The following CARS1 variants were observed in gnomAD, a reference collection of about 807,000 sequenced individuals.
CARS1 encodes the protein cysteine--tRNA ligase, cytoplasmic.
CARS1 carries 48 observed loss-of-function variants against 106.2 expected under a neutral mutation model. The observed-to-expected ratio is 0.45, with a 90% CI of 0.36 to 0.57. The LOEUF is 0.57. Ranked by LOEUF, CARS1 falls within the 20% of genes least tolerant of loss-of-function variation. CARS1 has a pLI of 0.00. For synonymous variants in CARS1, 409 were observed against 403.4 expected (o/e 1.01, Z -0.17); for missense variants, 968 against 1,057.2 (o/e 0.92, Z 1.17).
In CARS1 at chr11:3,045,529, G is replaced by A. The variant is rs1854992084; in HGVS notation, c.274+2224C>T. Among the ~76,000 whole-genome samples, 1 of 152,238 alleles carries A rather than the reference G, an allele frequency of 6.6e-6. No homozygotes were observed. On this transcript the variant is annotated intron_variant, in intron 2 of 22. Coordinates refer to ENST00000380525, the MANE Select transcript of CARS1 (RefSeq NM_001014437.3). The surrounding 1 kb of genome is among the most constrained non-coding windows in gnomAD (Gnocchi z 5.6). ...TCCGCCCGCCTTGGCCTCCCAAAGTGCTGGGATTACAGGAGTGAGCCACCG... is the reference window on the plus strand; with the variant it reads ...TCCGCCCGCCTTGGCCTCCCAAAGTACTGGGATTACAGGAGTGAGCCACCG...
At chr11:3,015,958 A>G (rs1448656608) in intron 16 of CARS1, 109 bp from the exon 17 acceptor site, 20 of 903,580 alleles carry the variant, frequency 2.2e-5, no homozygotes, top group Non-Finnish European at 3.4e-5. Flanking sequence ...CCCCAAGACC[A>G]GGAAAGAGAT....
rs565288744 is a variant in CARS1 at position 3,020,112 on chromosome 11, A to C, written c.1266+108T>G. ...CTGCACCAGCACCAGGCTCTGGCCC[A>C]GTGACAACATCCTTCACACACAGAG... is the stretch of plus-strand genomic sequence containing the variant. On this transcript the variant is annotated intron_variant, in intron 11 of 22. Transcript: ENST00000380525. The surrounding 1 kb of genome is among the most constrained non-coding windows in gnomAD (Gnocchi z 4.6). The C allele has an allele frequency of 1.4e-4, 103 of 740,630 alleles. No homozygotes were observed. In the African/African-American group the frequency reaches 1.6e-3, roughly 12 times the overall value. The allele number at this position is 740,630 out of a possible 1,614,324, so 45.9% of individuals were successfully genotyped here. A position where few individuals can be genotyped will look rare whatever the true frequency, so the allele number is the denominator to read the frequency against.
rs543956483 is a variant in CARS1 at position 3,004,170 on chromosome 11, G to T, written c.2217+1196C>A. On this transcript the variant is annotated intron_variant, in intron 20 of 22. Coordinates refer to ENST00000380525, the MANE Select transcript of CARS1 (RefSeq NM_001014437.3). This position sits in a 1 kb window ranked among gnomAD's most constrained non-coding sequence, Gnocchi z 5.2. The stretch of plus-strand genomic sequence containing the variant: ...GGGCCCTGATGAGGCAGTCACACCA[G>T]CCAACCTCACAGGGCAAGCCCAGCT... Among the ~76,000 whole-genome samples the T allele has an allele frequency of 2.0e-5, 3 of 152,190 alleles. No individual in the cohort carries two copies. The highest frequency in any genetic ancestry group is 4.4e-5 in the Non-Finnish European group (3 of 68,024).
intron 14 of CARS1, 189 bp downstream of exon 14, chr11:3,018,219 G>A: frequency 1.6e-6 from 1 of 613,456 alleles, no homozygotes; most frequent in Non-Finnish European, 2.9e-6. Flanking sequence ...TGTCCACTCT[G>A]CTGAGCCGTC....
At position 3,029,810 on chromosome 11, in the gene CARS1, A is replaced by G; in HGVS notation, c.802-367T>C. The G allele has an allele frequency of 1.2e-5, 3 of 245,798 alleles. No homozygotes were observed. In the South Asian group the frequency reaches 2.9e-4, roughly 24 times the overall value. 15.2% of individuals were successfully genotyped at this position (245,798 alleles called of 1,614,324 possible). A position where few individuals can be genotyped will look rare whatever the true frequency, so the allele number is the denominator to read the frequency against. On this transcript the variant is annotated intron_variant, in intron 7 of 22. Coordinates refer to ENST00000380525, the MANE Select transcript of CARS1 (RefSeq NM_001014437.3). The surrounding 1 kb of genome is among the most constrained non-coding windows in gnomAD (Gnocchi z 5.9). ...CAGGAGCACACAGTGTGTCACCTAC[A>G]GCACAACCCCTTGGTGCATTCAGGA...
At chr11:3,013,557 T>C (rs565143521) in intron 17 of CARS1, among the ~76,000 whole-genome samples, 1 of 152,102 alleles carries the variant, frequency 6.6e-6, no homozygotes, top group South Asian at 2.1e-4. Context: ...AATAAAAACA[T>C]TAGCAAGTGC....
chr11:3,045,168 C>T lies in CARS1; in HGVS notation c.274+2585G>A, dbSNP rs1002915708. On this transcript the variant is annotated intron_variant, in intron 2 of 22. Transcript: ENST00000380525. The surrounding 1 kb of genome is among the most constrained non-coding windows in gnomAD (Gnocchi z 5.6). Reference sequence around the variant, plus strand: ...AACGTCCTGATATCCAGTGGACCTCCGTGCTGGAGGCTGGTGATCCAGGGA... The same window carrying T: ...AACGTCCTGATATCCAGTGGACCTCTGTGCTGGAGGCTGGTGATCCAGGGA... 2.0e-5 allele frequency among the ~76,000 whole-genome samples: 3 copies of T among 152,144 alleles called. No individual in the cohort carries two copies. The highest frequency in any genetic ancestry group is 4.4e-5 in the Non-Finnish European group (3 of 68,036).
At chr11:3,023,381 A>C (rs958463692) in intron 10 of CARS1, among the ~76,000 whole-genome samples, 1 of 152,118 alleles carries the variant, frequency 6.6e-6, no homozygotes, top group Admixed American at 6.5e-5. Flanking sequence ...TTGTTATTCA[A>C]ACATACATAC....
At chr11:3,031,247 GA>G (rs1158773736) in intron 7 of CARS1, 2 of 152,160 alleles carry the variant, frequency 1.3e-5, no homozygotes, top group Non-Finnish European at 2.9e-5. Flanking sequence ...GCGCCTGATA[GA>G]AAAGACATAT....
rs1464392417 is a variant in CARS1 at position 3,039,984 on chromosome 11, A to G, written c.456-53T>C. On this transcript the variant is annotated intron_variant, in intron 4 of 22. Transcript: ENST00000380525. The surrounding 1 kb of genome is among the most constrained non-coding windows in gnomAD (Gnocchi z 5.6). ...CACACCAGACGATATGTATAGCTTA[A>G]CCTCCAACAACACGTGTTTGAACTG... 1 of 907,438 alleles carries G rather than the reference A, an allele frequency of 1.1e-6. No individual in the cohort carries two copies. The highest frequency in any genetic ancestry group is 2.6e-5 in the East Asian group (1 of 39,030). 56.2% of individuals were successfully genotyped at this position (907,438 alleles called of 1,614,324 possible).
At position 3,029,209 on chromosome 11, in the gene CARS1, G is replaced by C; in HGVS notation, c.942+94C>G. On this transcript the variant is annotated intron_variant, in intron 8 of 22. Coordinates refer to ENST00000380525, the MANE Select transcript of CARS1 (RefSeq NM_001014437.3). The surrounding 1 kb of genome is among the most constrained non-coding windows in gnomAD (Gnocchi z 5.9). ...CTCAACTCAAGTTCAATGTTGACTT[G>C]GCCGCTTAATTGAGCTGGCCTTGCC... 6.7e-7 allele frequency: 1 copy of C among 1,493,184 alleles called. No individual in the cohort carries two copies. Among genetic ancestry groups the C allele is most frequent in the Non-Finnish European group, 9.3e-7 (1 of 1,074,698 alleles). 92.5% of individuals were successfully genotyped at this position (1,493,184 alleles called of 1,614,324 possible).
In CARS1 at chr11:3,039,342, A is replaced by G; in HGVS notation, c.553-50T>C. 8.7e-7 allele frequency: 1 copy of G among 1,145,056 alleles called. No homozygotes were observed. The highest frequency in any genetic ancestry group is 1.3e-6 in the Non-Finnish European group (1 of 754,320). 70.9% of individuals were successfully genotyped at this position (1,145,056 alleles called of 1,614,324 possible). On this transcript the variant is annotated intron_variant, in intron 5 of 22. Transcript: ENST00000380525. This position sits in a 1 kb window ranked among gnomAD's most constrained non-coding sequence, Gnocchi z 5.6. Reference sequence around the variant, plus strand: ...GGAGTGATGCTTGGATCCCACATGCATCCCTCTGCAGCAGGCCACTCTCTC... The same window carrying G: ...GGAGTGATGCTTGGATCCCACATGCGTCCCTCTGCAGCAGGCCACTCTCTC...
intron 10 of CARS1, among the ~76,000 whole-genome samples, chr11:3,023,610 G>T (rs1851777066): frequency 6.6e-6 from 1 of 152,116 alleles, no homozygotes; most frequent in African/African-American, 2.4e-5. Flanking sequence ...GCCCACGATG[G>T]TCTTGAATTC....
At chr11:3,013,228 C>G (rs1249014966) in intron 17 of CARS1, among the ~76,000 whole-genome samples, 1 of 151,882 alleles carries the variant, frequency 6.6e-6, no homozygotes, top group Non-Finnish European at 1.5e-5. Context: ...TCTCGGCTCA[C>G]CGCAACCTCC....
In CARS1 at chr11:3,024,127, G is replaced by A. The variant is rs572600381; in HGVS notation, c.1153+2549C>T. 1.1e-3 allele frequency among the ~76,000 whole-genome samples: 160 copies of A among 152,286 alleles called. 2 individuals carry two copies. Among genetic ancestry groups the A allele is most frequent in the Middle Eastern group, 0.01 (3 of 294 alleles). On this transcript the variant is annotated intron_variant, in intron 10 of 22. Coordinates refer to ENST00000380525, the MANE Select transcript of CARS1 (RefSeq NM_001014437.3). Reference sequence around the variant, plus strand: ...AGGCTGGTCTCGAACTCCTGACCTCGTGATCCGCCTGCCTTGGCCTCCCAA... The same window carrying A: ...AGGCTGGTCTCGAACTCCTGACCTCATGATCCGCCTGCCTTGGCCTCCCAA...
Position 3,020,290 on chromosome 11 carries a change from G to A in CARS1, c.1196C>T (p.Ser399Phe), listed in dbSNP as rs765695754. The change falls in exon 11 of 23, where the codon TCT becomes TTT. Residue 399 changes from serine (S) to phenylalanine (F), a missense_variant. Ser to Phe is a radical substitution (Grantham distance 155, BLOSUM62 -2). Transcript: ENST00000380525. The surrounding 1 kb of genome is among the most constrained non-coding windows in gnomAD (Gnocchi z 4.6). ...ISADRLSEKR[S>F]PNDFALWKAS... ...CTTCCATAAGGCAAAGTCGTTGGGA[G>A]AGCGCTTCTCACTCAGGCGGTCTGC... 1 of 1,613,920 alleles carries A rather than the reference G, an allele frequency of 6.2e-7. No individual in the cohort carries two copies. Among genetic ancestry groups the A allele is most frequent in the African/African-American group, 1.3e-5 (1 of 74,926 alleles).
chr11:3,033,582 A>T (rs944838386), intron 7 of CARS1, among the ~76,000 whole-genome samples: 1 of 152,246 alleles, frequency 6.6e-6, no homozygotes, highest in Non-Finnish European at 1.5e-5. Flanking sequence ...TGCAGCAAAA[A>T]CAGTCAGAGG....
chr11:3,027,885 G>GC (rs1852271182), intron 9 of CARS1: 5 of 448,502 alleles, frequency 1.1e-5, no homozygotes, highest in South Asian at 7.8e-5. Context: ...AGTCTCCCTT[G>GC]CCCCGCGGGA....
chr11:3,052,995 A>G lies in CARS1; in HGVS notation c.25+4348T>C, dbSNP rs1211519948. Among the ~76,000 whole-genome samples, 2 of 152,266 alleles carry G rather than the reference A, an allele frequency of 1.3e-5. No individual in the cohort carries two copies. Among genetic ancestry groups the G allele is most frequent in the African/African-American group, 4.8e-5 (2 of 41,476 alleles). ...TCAGTTCATCAACACATTGAGGGAC[A>G]TGGGAATGTCCCAAAGGTGGATGGT... On this transcript the variant is annotated intron_variant, in intron 1 of 22. Coordinates refer to ENST00000380525, the MANE Select transcript of CARS1 (RefSeq NM_001014437.3). The surrounding 1 kb of genome is among the most constrained non-coding windows in gnomAD (Gnocchi z 4.6).
Sources: allele counts gnomAD v4.1 joint callset (sites outside exome capture counted in the v4.1 genomes callset), GRCh38; gene constraint gnomAD v4.1.1; non-coding constraint Gnocchi (gnomAD v3.1); transcripts MANE v1.5; gene names NCBI Gene and HGNC (gene_info 2026-07-23, HGNC 2026-07-21).